Variants in PCDHA7 observed in about 807,000 individuals in gnomAD.
The protein encoded by PCDHA7 is protocadherin alpha-7.
Under a neutral mutation model 57.2 loss-of-function variants are expected in PCDHA7, and 37 were observed. The ratio of observed to expected loss-of-function variants is 0.65; its 90% CI spans 0.50 to 0.85. PCDHA7 has a LOEUF of 0.85. Among genes scored for constraint, PCDHA7 ranks in the 40% least tolerant of loss-of-function variants. The probability of loss-of-function intolerance (pLI) is 0.00; values close to 1 mark genes in which losing one functional copy is unlikely to be tolerated. For synonymous variants in PCDHA7, 553 were observed against 558.8 expected, an observed-to-expected ratio of 0.99 and a Z score of 0.15; for missense variants, 1,188 against 1,241.8, an observed-to-expected ratio of 0.96 and a Z score of 0.65.
In PCDHA7 at chr5:140,856,006, T is replaced by C. The variant is rs782149074; in HGVS notation, c.2355+19268T>C. ...AAAATGTCAGATCGTATGTGCGTTC[T>C]AGACCGCTGATTCGTCGATTTGTAA... is the stretch of plus-strand genomic sequence containing the variant. On this transcript the variant is annotated intron_variant, in intron 1 of 3. Coordinates refer to ENST00000525929, the MANE Select transcript of PCDHA7 (RefSeq NM_018910.3). The C allele has an allele frequency of 9.1e-6, 14 of 1,540,444 alleles. No individual in the cohort carries two copies. The African/African-American group carries it at 1.4e-4, about 15-fold the overall frequency.
chr5:140,969,068 A>C (rs2096293164), intron 1 of PCDHA7: 2 of 1,614,046 alleles, frequency 1.2e-6, no homozygotes, highest in South Asian at 2.2e-5. Flanking sequence ...TGATGCCAGG[A>C]TACCGCATGG....
chr5:140,920,511 A>G (rs564811520), intron 1 of PCDHA7, among the ~76,000 whole-genome samples: 1 of 152,284 alleles, frequency 6.6e-6, no homozygotes, highest in East Asian at 1.9e-4. Flanking sequence ...ATACTGTTTT[A>G]TGCAATTCGT....
intron 1 of PCDHA7, among the ~76,000 whole-genome samples, chr5:140,942,305 G>A (rs2093264176): frequency 6.6e-6 from 1 of 152,106 alleles, no homozygotes; most frequent in Non-Finnish European, 1.5e-5. Context: ...AGCTACTTGG[G>A]AGGTCGAGGC....
Position 140,926,923 on chromosome 5 carries a change from T to C in PCDHA7, c.2356-52026T>C, listed in dbSNP as rs532425369. On this transcript the variant is annotated intron_variant, in intron 1 of 3. Transcript: ENST00000525929. ...GGGCTGTGGGGTGGCAGTTTTATGT[T>C]TGTGGGTTTCCTGCGGCGCTGCAGC... 35 of 1,571,554 alleles carry C rather than the reference T, an allele frequency of 2.2e-5. No homozygotes were observed. The East Asian group carries it at 6.5e-4, about 29-fold the overall frequency.
chr5:140,904,225 T>A (rs782022279), intron 1 of PCDHA7, among the ~76,000 whole-genome samples: 5 of 152,020 alleles, frequency 3.3e-5, no homozygotes, highest in Non-Finnish European at 5.9e-5. Context: ...CATTGTATTA[T>A]ACTTATGCCT....
intron 1 of PCDHA7, among the ~76,000 whole-genome samples, chr5:140,950,025 T>C (rs907309880): frequency 6.6e-6 from 1 of 151,922 alleles, no homozygotes; most frequent in East Asian, 1.9e-4. Context: ...TCATAAAATA[T>C]AGAAAAGTTA....
At chr5:140,895,802 C>CTGTAT (rs1289601886) in intron 1 of PCDHA7, among the ~76,000 whole-genome samples, 86 of 152,166 alleles carry the variant, frequency 5.7e-4, no homozygotes, top group African/African-American at 1.6e-3. Context: ...ATGTACAATA[C>CTGTAT]TGTATTGTAT....
chr5:140,852,930 G>A (rs1581296305), intron 1 of PCDHA7: 1 of 621,568 alleles, frequency 1.6e-6, no homozygotes, highest in East Asian at 1.3e-4. Context: ...CCAGGCTGGA[G>A]TGCAGTGGTG....
chr5:140,936,448 T>A (rs1477787930), intron 1 of PCDHA7, among the ~76,000 whole-genome samples: 1 of 152,210 alleles, frequency 6.6e-6, no homozygotes, highest in Non-Finnish European at 1.5e-5. Context: ...AATAACCACA[T>A]CTGTTTAGTG....
chr5:140,977,484 G>A (rs2096763384), intron 1 of PCDHA7, among the ~76,000 whole-genome samples: 1 of 152,220 alleles, frequency 6.6e-6, no homozygotes. Flanking sequence ...TTTATGCTAT[G>A]TTATATGGAA....
chr5:140,927,077 G>A (rs568623488), intron 1 of PCDHA7: 1 of 1,610,844 alleles, frequency 6.2e-7, no homozygotes, highest in Non-Finnish European at 8.5e-7. Context: ...TCCAGCCACC[G>A]CGAGCTCTAC....
chr5:140,862,777 C>T, intron 1 of PCDHA7: 1 of 577,324 alleles, frequency 1.7e-6, no homozygotes, highest in Non-Finnish European at 3.3e-6. Context: ...CGCGTTGCAG[C>T]CACTGGACTA....
rs559337177 is a variant in PCDHA7 at position 140,853,682 on chromosome 5, A to G, written c.2355+16944A>G. On this transcript the variant is annotated intron_variant, in intron 1 of 3. Transcript: ENST00000525929. ...ACAAATTGGGGCCTATGGTCAACCT[A>G]TCCTTAGACCTGCTAACGCATTAGC... 95 of 988,426 alleles carry G rather than the reference A, an allele frequency of 9.6e-5. 12 individuals are homozygous for G. The highest frequency in any genetic ancestry group is 1.1e-4 in the Non-Finnish European group (93 of 820,328). The allele number at this position is 988,426 out of a possible 1,614,324, so 61.2% of individuals were successfully genotyped here.
At position 140,877,889 on chromosome 5, in the gene PCDHA7, G is replaced by A. The variant is rs904032241; in HGVS notation, c.2355+41151G>A. On this transcript the variant is annotated intron_variant, in intron 1 of 3. Coordinates refer to ENST00000525929, the MANE Select transcript of PCDHA7 (RefSeq NM_018910.3). ...ATATTTGTTTCCTTGAAGAACTTCC[G>A]TTTAGGTTATAACTACATTCTCTCA... 3.3e-5 allele frequency: 48 copies of A among 1,457,998 alleles called. No homozygotes were observed. The African/African-American group carries it at 6.0e-4, about 18-fold the overall frequency. 90.3% of individuals were successfully genotyped at this position (1,457,998 alleles called of 1,614,324 possible). A position where few individuals can be genotyped will look rare whatever the true frequency, so the allele number is the denominator to read the frequency against.
intron 1 of PCDHA7, chr5:140,967,751 T>G: frequency 6.2e-7 from 1 of 1,614,138 alleles, no homozygotes; most frequent in African/African-American, 1.3e-5. Context: ...TGAGGAAGCC[T>G]CCTCCTACCA....
chr5:140,850,290 G>C (rs2150477897), intron 1 of PCDHA7: 1 of 1,595,932 alleles, frequency 6.3e-7, no homozygotes, highest in South Asian at 1.1e-5. Flanking sequence ...CGCAGTGGAC[G>C]CCGACTCGGG....
At chr5:140,870,999 A>G (rs782562142) in intron 1 of PCDHA7, 2 of 1,613,456 alleles carry the variant, frequency 1.2e-6, no homozygotes, top group Admixed American at 3.3e-5. Flanking sequence ...AGATAAGCAC[A>G]ACGCGTGCCC....
chr5:140,868,581 A>G (rs1554162109), intron 1 of PCDHA7: 1 of 152,846 alleles, frequency 6.5e-6, no homozygotes, highest in African/African-American at 2.4e-5. Flanking sequence ...ACTTTCAGGA[A>G]ATGTTTAACC....
intron 1 of PCDHA7, chr5:140,863,608 T>A (rs548888922): frequency 5.7e-6 from 2 of 349,702 alleles, no homozygotes; most frequent in Non-Finnish European, 1.1e-5. Flanking sequence ...CCTATTAATG[T>A]CCCTCATAGT....
Sources: gnomAD v4.1 joint callset for allele counts (sites outside exome capture counted in the v4.1 genomes callset) on GRCh38, gnomAD v4.1.1 for gene constraint, MANE v1.5 for transcripts, NCBI Gene and HGNC (gene_info 2026-07-23, HGNC 2026-07-21) for gene names.